ARL6: variants seen among roughly 807,000 people sequenced by gnomAD.
ARL6 encodes the protein ARF like GTPase 6.
A neutral mutation model predicts 27.1 loss-of-function variants in ARL6; 18 were observed. The ratio of observed to expected loss-of-function variants is 0.66; its 90% confidence interval spans 0.46 to 0.98. ARL6 has a LOEUF of 0.98. Among genes scored for constraint, ARL6 ranks in the 50% least tolerant of loss-of-function variants. The pLI is 0.00. For missense variants in ARL6, 187 were observed against 214.9 expected (o/e 0.87, Z 0.81); for synonymous variants, 65 against 72.3 (o/e 0.90, Z 0.51).
chr3:97,782,765 T>A (rs1159580398), intron 4 of ARL6, among the ~76,000 whole-genome samples: 7 of 151,356 alleles, frequency 4.6e-5, no homozygotes, highest in Non-Finnish European at 4.4e-5. Context: ...CATTTTTATA[T>A]CAATTATGTA....
At chr3:97,773,237 G>A (rs377572804) in intron 2 of ARL6, among the ~76,000 whole-genome samples, 5 of 152,190 alleles carry the variant, frequency 3.3e-5, no homozygotes, top group Admixed American at 6.5e-5. Flanking sequence ...GGAGAAAGAC[G>A]TAGGCTGGGA....
Position 97,798,821 on chromosome 3 carries a change from A to G in ARL6, c.*772A>G, listed in dbSNP as rs2038121522. 1 of 152,110 alleles carries G rather than the reference A, an allele frequency of 6.6e-6. No homozygotes were observed. Among genetic ancestry groups the G allele is most frequent in the Non-Finnish European group, 1.5e-5 (1 of 67,956 alleles). The allele number at this position is 152,110 out of a possible 1,614,324, so 9.4% of individuals were successfully genotyped here. A position where few individuals can be genotyped will look rare whatever the true frequency, so the allele number is the denominator to read the frequency against. ...CTAATTTTATTTCATTGGCTGAATG[A>G]AAATATTGCATCTTCAGATTAAGAG... On this transcript the variant is annotated 3_prime_UTR_variant, in exon 8 of 8. Transcript: ENST00000463745.
intron 7 of ARL6, among the ~76,000 whole-genome samples, chr3:97,796,257 T>TA (rs1441789825): frequency 6.6e-6 from 1 of 151,978 alleles, no homozygotes; most frequent in East Asian, 1.9e-4. Context: ...AAAAAACTGT[T>TA]AAAGAGTATC....
intron 2 of ARL6, among the ~76,000 whole-genome samples, chr3:97,778,714 T>C (rs2037030811): frequency 6.6e-6 from 1 of 152,174 alleles, no homozygotes; most frequent in South Asian, 2.1e-4. Flanking sequence ...TATTTACTTA[T>C]CATGATAAGT....
At chr3:97,796,416 C>G (rs1252015506) in intron 7 of ARL6, among the ~76,000 whole-genome samples, 2 of 151,700 alleles carry the variant, frequency 1.3e-5, no homozygotes, top group Non-Finnish European at 2.9e-5. Flanking sequence ...AAAATAGAGG[C>G]AAACTCCCAG....
At chr3:97,780,475 C>T in intron 3 of ARL6, 140 bp from the exon 4 acceptor site, 1 of 767,598 alleles carries the variant, frequency 1.3e-6, no homozygotes, top group Non-Finnish European at 2.2e-6. Context: ...ACATTTATTT[C>T]ATAGAACTTT....
At chr3:97,788,219 CATGGTGGCAT>C in intron 6 of ARL6, 100 bp downstream of exon 6, 3 of 1,234,130 alleles carry the variant, frequency 2.4e-6, no homozygotes, top group Non-Finnish European at 2.3e-6. Flanking sequence ...AGTGATCAAA[CATGGTGGCAT>C]ATAAGCTAAG....
chr3:97,780,595 T>C lies in ARL6; in HGVS notation c.186-20T>C. 1 of 1,601,348 alleles carries C rather than the reference T, an allele frequency of 6.2e-7. No homozygotes were observed. The highest frequency in any genetic ancestry group is 1.1e-5 in the South Asian group (1 of 90,772). On this transcript the variant is annotated intron_variant, in intron 3 of 7. Transcript: ENST00000463745. ...TATGCTTTAGTTTATAATGTAGTCA[T>C]GTTTTGCTTCTTTTTGTAGTTTGTC...
chr3:97,779,524 A>C (rs1303866774), intron 2 of ARL6, among the ~76,000 whole-genome samples: 2 of 152,180 alleles, frequency 1.3e-5, no homozygotes, highest in Non-Finnish European at 2.9e-5. Context: ...GGAACCATCT[A>C]CACATGAGGG....
intron 5 of ARL6, among the ~76,000 whole-genome samples, chr3:97,786,166 C>T (rs2037448954): frequency 6.6e-6 from 1 of 151,916 alleles, no homozygotes; most frequent in African/African-American, 2.4e-5. Flanking sequence ...GCCTGGCCAA[C>T]ATGGTGAAAC....
At position 97,801,072 on chromosome 3, in the gene ARL6, C is replaced by T. The variant is rs1333795526; in HGVS notation, c.*3023C>T. On this transcript the variant is annotated 3_prime_UTR_variant, in exon 8 of 8. Transcript: ENST00000463745. ...TAAGGCAAATTCATCTTGCTTATAA[C>T]TCTGGTGCATGTGCATTAAAATACT... is the stretch of plus-strand genomic sequence containing the variant. 2 of 152,162 alleles carry T rather than the reference C, an allele frequency of 1.3e-5. No individual in the cohort carries two copies. Among genetic ancestry groups the T allele is most frequent in the African/African-American group, 4.8e-5 (2 of 41,434 alleles). The allele number at this position is 152,162 out of a possible 1,614,324, so 9.4% of individuals were successfully genotyped here. A position where few individuals can be genotyped will look rare whatever the true frequency, so the allele number is the denominator to read the frequency against.
intron 2 of ARL6, among the ~76,000 whole-genome samples, chr3:97,777,366 C>G (rs1036155141): frequency 1.3e-5 from 2 of 152,092 alleles, no homozygotes; most frequent in Non-Finnish European, 2.9e-5. Flanking sequence ...CCACCCACCC[C>G]CTTCCACCCT....
chr3:97,799,229 A>G lies in ARL6; in HGVS notation c.*1180A>G, dbSNP rs914794578. The G allele has an allele frequency of 1.3e-5, 2 of 152,110 alleles. No individual in the cohort carries two copies. Among genetic ancestry groups the G allele is most frequent in the African/African-American group, 4.8e-5 (2 of 41,460 alleles). The allele number at this position is 152,110 out of a possible 1,614,324, so 9.4% of individuals were successfully genotyped here. On this transcript the variant is annotated 3_prime_UTR_variant, in exon 8 of 8. Coordinates refer to ENST00000463745, the MANE Select transcript of ARL6 (RefSeq NM_001278293.3). ...AATGATGAAAATAGAAGGCAAAAGT[A>G]AGTGAGTAATAAAGATGTTATAGTA...
intron 2 of ARL6, among the ~76,000 whole-genome samples, chr3:97,775,489 G>A (rs2108010972): frequency 6.6e-6 from 1 of 151,966 alleles, no homozygotes; most frequent in South Asian, 2.1e-4. Context: ...ATATATTCTG[G>A]CCACACTGGC....
chr3:97,783,597 A>G (rs1394721285), intron 4 of ARL6, among the ~76,000 whole-genome samples: 1 of 151,844 alleles, frequency 6.6e-6, no homozygotes, highest in Non-Finnish European at 1.5e-5. Flanking sequence ...ATAGATCTTG[A>G]TAGGTACTTT....
chr3:97,787,910 A>G (rs1050434417), intron 5 of ARL6, 80 bp from the exon 6 acceptor site: 6 of 1,483,530 alleles, frequency 4.0e-6, no homozygotes, highest in Non-Finnish European at 5.6e-6. Flanking sequence ...AAAAAATTTC[A>G]TGGGTTTCAG....
At chr3:97,787,812 T>C (rs2037530550) in intron 5 of ARL6, among the ~76,000 whole-genome samples, 178 bp from the exon 6 acceptor site, 1 of 152,168 alleles carries the variant, frequency 6.6e-6, no homozygotes, top group Admixed American at 6.5e-5. Flanking sequence ...TTTTAAAATT[T>C]TGTTACTGCT....
intron 5 of ARL6, among the ~76,000 whole-genome samples, chr3:97,785,554 T>G (rs1050527771): frequency 6.6e-6 from 1 of 151,894 alleles, no homozygotes; most frequent in Non-Finnish European, 1.5e-5. Context: ...ACTATCATTG[T>G]TATTTACCAA....
At chr3:97,784,221 G>A (rs1249605576) in intron 4 of ARL6, among the ~76,000 whole-genome samples, 4 of 151,836 alleles carry the variant, frequency 2.6e-5, no homozygotes, top group Non-Finnish European at 4.4e-5. Context: ...AGAAGATAGT[G>A]CAGAGGAATA....
Sources: allele counts gnomAD v4.1 joint callset (sites outside exome capture counted in the v4.1 genomes callset), GRCh38; gene constraint gnomAD v4.1.1; transcripts MANE v1.5; gene names NCBI Gene and HGNC (gene_info 2026-07-23, HGNC 2026-07-21).